Variants in AHCY observed in about 807,000 individuals in gnomAD.
AHCY encodes the protein adenosylhomocysteinase.
AHCY carries 24 observed loss-of-function variants against 45.4 expected under a neutral mutation model. The ratio of observed to expected loss-of-function variants is 0.53; its 90% confidence interval spans 0.38 to 0.74. The LOEUF (loss-of-function observed/expected upper bound fraction) is 0.74. Ranked by LOEUF, AHCY falls within the 30% of genes least tolerant of loss-of-function variation. AHCY has a pLI of 0.00. For missense variants in AHCY, 449 were observed against 594.1 expected (o/e 0.76, Z 2.54); for synonymous variants, 245 against 235.1 (o/e 1.04, Z -0.39).
the AHCY span, among the ~76,000 whole-genome samples, chr20:34,267,459 C>CAAAAAAAAAAAA: frequency 2.2e-5 from 1 of 46,278 alleles, no homozygotes; most frequent in East Asian, 7.1e-4. Flanking sequence ...AACTGGCTCT[C>CAAAAAAAAAAAA]AAAAAAAAAA....
the AHCY span, among the ~76,000 whole-genome samples, chr20:34,258,447 G>A: frequency 6.7e-6 from 1 of 149,630 alleles, no homozygotes; most frequent in Non-Finnish European, 1.5e-5. Flanking sequence ...AATAAGTACT[G>A]TAGTCACTCA....
At chr20:34,234,458 C>A in the AHCY span, among the ~76,000 whole-genome samples, 1 of 152,256 alleles carries the variant, frequency 6.6e-6, no homozygotes, top group Admixed American at 6.5e-5. Context: ...TGGGCGCTAT[C>A]AGCTTTCTTT....
chr20:34,294,994 T>C (rs946225401), intron 2 of AHCY, among the ~76,000 whole-genome samples: 15 of 152,310 alleles, frequency 9.8e-5, no homozygotes, highest in South Asian at 4.1e-4. Context: ...TGTTAATCAT[T>C]GGCACACATG....
the AHCY span, among the ~76,000 whole-genome samples, chr20:34,274,559 G>A: frequency 6.6e-6 from 1 of 152,180 alleles, no homozygotes; most frequent in African/African-American, 2.4e-5. Flanking sequence ...AGTCTCACTA[G>A]TGGAGCTTCT....
At chr20:34,302,648 A>G in intron 1 of AHCY, 1 of 985,890 alleles carries the variant, frequency 1.0e-6, no homozygotes, top group African/African-American at 1.7e-5. Flanking sequence ...GATTTTTCAA[A>G]CCACTCCAAA....
chr20:34,299,996 C>T (rs926914916), intron 1 of AHCY, among the ~76,000 whole-genome samples: 1 of 152,140 alleles, frequency 6.6e-6, no homozygotes, highest in East Asian at 1.9e-4. Flanking sequence ...AGCAGCCTGG[C>T]CAACATGGTG....
the AHCY span, among the ~76,000 whole-genome samples, chr20:34,236,825 A>C: frequency 3.3e-5 from 5 of 152,200 alleles, no homozygotes; most frequent in Non-Finnish European, 7.3e-5. Context: ...TGAGTTTTAT[A>C]GTTTCAGGTC....
In AHCY at chr20:34,290,954, G is replaced by A. The variant is rs751991061; in HGVS notation, c.559-16C>T. ...CAAACTTGCTCTGAAAGGAAAGGGGGTAAGGAGACAATAGGGGCAGGCAAG... is the reference window on the plus strand; with the variant it reads ...CAAACTTGCTCTGAAAGGAAAGGGGATAAGGAGACAATAGGGGCAGGCAAG... On this transcript the variant is annotated splice_polypyrimidine_tract_variant and intron_variant, in intron 5 of 9. Coordinates refer to ENST00000217426, the MANE Select transcript of AHCY (RefSeq NM_000687.4). This position sits in a 1 kb window ranked among gnomAD's most constrained non-coding sequence, Gnocchi z 4.5. 6 of 1,613,374 alleles carry A rather than the reference G, an allele frequency of 3.7e-6. No individual in the cohort carries two copies. The East Asian group carries it at 1.1e-4, about 30-fold the overall frequency.
the AHCY span, among the ~76,000 whole-genome samples, chr20:34,269,970 A>C: frequency 1.4e-4 from 18 of 127,838 alleles, no homozygotes; most frequent in African/African-American, 4.8e-4. Context: ...AAAAAAAAAA[A>C]AAAAAAAAAC....
chr20:34,243,838 G>A, the AHCY span, among the ~76,000 whole-genome samples: 1 of 151,914 alleles, frequency 6.6e-6, no homozygotes, highest in Non-Finnish European at 1.5e-5. Flanking sequence ...GCCGAGGCGG[G>A]TGGATCATGA....
chr20:34,281,097 C>T lies in AHCY; in HGVS notation c.1236G>A (p.Lys412=), dbSNP rs756185456. Residue 412 remains lysine (K), a synonymous_variant, in exon 10 of 10, where the codon AAG becomes AAA. Coordinates refer to ENST00000217426, the MANE Select transcript of AHCY (RefSeq NM_000687.4). Reference sequence around the variant, plus strand: ...AGGACATGCCCAGGTACTGGGCTTGCTTCTCAGTTAGCTTGGTCAACTTCA... The same window carrying T: ...AGGACATGCCCAGGTACTGGGCTTGTTTCTCAGTTAGCTTGGTCAACTTCA... ...LNVKLTKLTE[K]QAQYLGMSCD... The T allele has an allele frequency of 1.9e-5, 30 of 1,614,022 alleles. No individual in the cohort carries two copies. Among genetic ancestry groups the T allele is most frequent in the Admixed American group, 5.0e-5 (3 of 59,996 alleles).
intron 1 of AHCY, among the ~76,000 whole-genome samples, chr20:34,296,107 T>A (rs906165765): frequency 6.6e-6 from 1 of 152,232 alleles, no homozygotes; most frequent in African/African-American, 2.4e-5. Flanking sequence ...TCTTTCCACC[T>A]GGAGGAACTC....
upstream of AHCY, among the ~76,000 whole-genome samples, chr20:34,305,795 T>C (rs2036889400): frequency 6.6e-6 from 1 of 151,940 alleles, no homozygotes; most frequent in Admixed American, 6.6e-5. Context: ...GAAATATGAA[T>C]TTACGGACCA....
At chr20:34,288,564 G>A (rs1218250095) in intron 8 of AHCY, among the ~76,000 whole-genome samples, 1 of 152,144 alleles carries the variant, frequency 6.6e-6, no homozygotes, top group Non-Finnish European at 1.5e-5. Flanking sequence ...GTACTTGGAA[G>A]GCTGAGGCAG....
chr20:34,310,024 C>T (rs1195103597), intron 1 of AHCY, among the ~76,000 whole-genome samples: 1 of 151,860 alleles, frequency 6.6e-6, no homozygotes, highest in African/African-American at 2.4e-5. Flanking sequence ...GGTGAAAGTC[C>T]AGGCTCCCTA....
In AHCY at chr20:34,290,721, C is replaced by T; in HGVS notation, c.766+10G>A. 6.2e-7 allele frequency: 1 copy of T among 1,613,730 alleles called. No homozygotes were observed. Among genetic ancestry groups the T allele is most frequent in the Non-Finnish European group, 8.5e-7 (1 of 1,179,956 alleles). ...CCAGTGGCTGACAACCAACCCTTGC[C>T]CTATCCTACCCTCCATGGCAGCCTG... On this transcript the variant is annotated intron_variant, in intron 6 of 9. Coordinates refer to ENST00000217426, the MANE Select transcript of AHCY (RefSeq NM_000687.4). This position sits in a 1 kb window ranked among gnomAD's most constrained non-coding sequence, Gnocchi z 4.5.
the AHCY span, chr20:34,262,978 A>G: frequency 1.3e-6 from 2 of 1,488,118 alleles, no homozygotes; most frequent in Non-Finnish European, 1.9e-6. Context: ...CTGGCTAGGA[A>G]CTAAATGAAA....
At chr20:34,246,206 T>C in the AHCY span, 1 of 1,438,002 alleles carries the variant, frequency 7.0e-7, no homozygotes, top group African/African-American at 1.4e-5. Context: ...AGTAAGCTTT[T>C]GTGGTATGGT....
chr20:34,247,236 T>G, the AHCY span, among the ~76,000 whole-genome samples: 72 of 152,156 alleles, frequency 4.7e-4, no homozygotes, highest in Middle Eastern at 3.4e-3. Flanking sequence ...TTGCCTCACA[T>G]GGTCCTCAAT....
Sources: allele counts gnomAD v4.1 joint callset (sites outside exome capture counted in the v4.1 genomes callset), GRCh38; gene constraint gnomAD v4.1.1; non-coding constraint Gnocchi (gnomAD v3.1); transcripts MANE v1.5; gene names NCBI Gene and HGNC (gene_info 2026-07-23, HGNC 2026-07-21).